Variants in ELF1 observed in about 807,000 individuals in gnomAD.
ELF1 encodes E74 like ETS transcription factor 1, also known as ETS-related transcription factor Elf-1.
Under a neutral mutation model 59.9 loss-of-function variants are expected in ELF1, and 24 were observed. The ratio of observed to expected loss-of-function variants is 0.40; its 90% CI spans 0.29 to 0.56. ELF1 has a LOEUF of 0.56. ELF1 is among the 20% of genes least tolerant of loss of function. ELF1 has a pLI of 0.44. For synonymous variants in ELF1, 248 were observed against 266.2 expected, an observed-to-expected ratio of 0.93 and a Z score of 0.67; for missense variants, 627 against 742.2, an observed-to-expected ratio of 0.84 and a Z score of 1.80.
At chr13:40,941,642 CCT>C (rs1870179182) in intron 7 of ELF1, among the ~76,000 whole-genome samples, 1 of 152,112 alleles carries the variant, frequency 6.6e-6, no homozygotes, top group Non-Finnish European at 1.5e-5. Context: ...CACTTTTCTT[CCT>C]CTTTCTGCTA....
chr13:40,955,555 T>G (rs1359467080), intron 3 of ELF1, among the ~76,000 whole-genome samples: 1 of 41,812 alleles, frequency 2.4e-5, no homozygotes, highest in African/African-American at 6.4e-5. Context: ...GGTGGGGGGG[T>G]CAGCCCCCCA....
chr13:41,026,719 T>C (rs1875944035), intron 1 of ELF1, among the ~76,000 whole-genome samples: 1 of 152,134 alleles, frequency 6.6e-6, no homozygotes, highest in African/African-American at 2.4e-5. Flanking sequence ...GAAGTGGGTG[T>C]TACCTGACCC....
At chr13:41,010,855 C>T (rs1050890796) in intron 1 of ELF1, among the ~76,000 whole-genome samples, 1 of 152,038 alleles carries the variant, frequency 6.6e-6, no homozygotes, top group African/African-American at 2.4e-5. Flanking sequence ...CATGCCACTG[C>T]TTATACATAC....
chr13:40,953,729 C>G (rs1871014485), intron 3 of ELF1, among the ~76,000 whole-genome samples: 1 of 152,176 alleles, frequency 6.6e-6, no homozygotes, highest in South Asian at 2.1e-4. Flanking sequence ...TCCCCTAGAG[C>G]TTCTCAAAGG....
rs2138272286 is a variant in ELF1 at position 40,982,070 on chromosome 13, T to C, written c.-16A>G. ...CAGCAGCCATAATAAAGCATTCCCC[T>C]TAGATCCACATGAGAAAAATTCCAA... On this transcript the variant is annotated 5_prime_UTR_variant, in exon 2 of 9. The change abolishes the stop of an existing upstream ORF in the 5' untranslated region. Coordinates refer to ENST00000239882, the MANE Select transcript of ELF1 (RefSeq NM_172373.4). 6.2e-7 allele frequency: 1 copy of C among 1,602,864 alleles called. No homozygotes were observed. The highest frequency in any genetic ancestry group is 1.7e-4 in the Middle Eastern group (1 of 6,032).
chr13:40,978,502 T>C (rs986191204), intron 2 of ELF1, among the ~76,000 whole-genome samples: 4 of 152,032 alleles, frequency 2.6e-5, no homozygotes, highest in Non-Finnish European at 5.9e-5. Flanking sequence ...ACTAATATTA[T>C]TAATTTGTAA....
upstream of ELF1, among the ~76,000 whole-genome samples, chr13:41,022,659 T>C (rs1875735116): frequency 6.6e-6 from 1 of 152,188 alleles, no homozygotes; most frequent in African/African-American, 2.4e-5. Flanking sequence ...GGCAGGTGGA[T>C]CACTGAAGTT....
chr13:40,988,547 A>G (rs1191858629), intron 1 of ELF1, among the ~76,000 whole-genome samples: 6 of 152,232 alleles, frequency 3.9e-5, no homozygotes, highest in Non-Finnish European at 8.8e-5. Flanking sequence ...TTTGGGATAA[A>G]TCATTTTCAA....
chr13:40,997,691 A>C (rs1874199921), intron 1 of ELF1, among the ~76,000 whole-genome samples: 1 of 152,042 alleles, frequency 6.6e-6, no homozygotes, highest in South Asian at 2.1e-4. Flanking sequence ...CACACTCAAT[A>C]TCCTCTTTTC....
chr13:41,039,229 A>T lies in ELF1; in HGVS notation c.-229+21609T>A, dbSNP rs564338681. On this transcript the variant is annotated intron_variant, in intron 1 of 1. Coordinates refer to the ELF1 transcript ENST00000405737. Reference sequence around the variant, plus strand: ...AGCCTGGGTAACACGGCAATACCCCATCTTAAAAAATAAATAAGTAAGTAA... The same window carrying T: ...AGCCTGGGTAACACGGCAATACCCCTTCTTAAAAAATAAATAAGTAAGTAA... 1.5e-4 allele frequency among the ~76,000 whole-genome samples: 23 copies of T among 151,756 alleles called. No homozygotes were observed. In the South Asian group the frequency reaches 4.6e-3, roughly 30 times the overall value.
At chr13:40,962,771 G>A (rs762098814) in intron 2 of ELF1, among the ~76,000 whole-genome samples, 6 of 151,894 alleles carry the variant, frequency 4.0e-5, no homozygotes, top group Non-Finnish European at 8.8e-5. Context: ...AAGAAAAACT[G>A]GGAACCAGGA....
chr13:41,045,872 T>C (rs1331989232), intron 1 of ELF1, among the ~76,000 whole-genome samples: 1 of 152,208 alleles, frequency 6.6e-6, no homozygotes, highest in Admixed American at 6.5e-5. Context: ...CTGTCTAATG[T>C]TGACAGTGGG....
chr13:40,944,931 A>G (rs1396676659), intron 5 of ELF1, among the ~76,000 whole-genome samples: 1 of 152,216 alleles, frequency 6.6e-6, no homozygotes, highest in East Asian at 1.9e-4. Context: ...ATGGAATAGG[A>G]AAACATTTCT....
At position 40,986,937 on chromosome 13, in the gene ELF1, C is replaced by CTCTTTTTTTT. The variant is rs552477115; in HGVS notation, c.-228-4656_-228-4655insAAAAAAAAGA. On this transcript the variant is annotated intron_variant, in intron 1 of 8. Coordinates refer to ENST00000239882, the MANE Select transcript of ELF1 (RefSeq NM_172373.4). ...AATATATTTTTAGAAAATCATTGCT[C>CTCTTTTTTTT]TTTTTTTTTTTTTTTTTTGAGTGGG... is the stretch of plus-strand genomic sequence containing the variant. Among the ~76,000 whole-genome samples, 9 of 126,848 alleles carry CTCTTTTTTTT rather than the reference C, an allele frequency of 7.1e-5. 2 individuals are homozygous for CTCTTTTTTTT. Among genetic ancestry groups the CTCTTTTTTTT allele is most frequent in the African/African-American group, 1.5e-4 (5 of 32,776 alleles). The allele number at this position is 126,848 out of a possible 152,430, so 83.2% of individuals were successfully genotyped here. A position where few individuals can be genotyped will look rare whatever the true frequency, so the allele number is the denominator to read the frequency against.
chr13:40,989,109 T>C (rs1873707746), intron 1 of ELF1, among the ~76,000 whole-genome samples: 1 of 152,218 alleles, frequency 6.6e-6, no homozygotes, highest in African/African-American at 2.4e-5. Context: ...TTCTAGCTAT[T>C]TTAAATACAG....
At chr13:41,040,542 T>A (rs1486065742) in intron 1 of ELF1, among the ~76,000 whole-genome samples, 3 of 151,910 alleles carry the variant, frequency 2.0e-5, no homozygotes, top group African/African-American at 7.3e-5. Context: ...GGGAGGATGG[T>A]TTTGGGATGA....
At chr13:40,942,889 A>ATT in intron 7 of ELF1, 63 bp downstream of exon 7, 2 of 1,378,850 alleles carry the variant, frequency 1.5e-6, no homozygotes, top group Non-Finnish European at 1.9e-6. Flanking sequence ...TAAGCTTAGT[A>ATT]TTTTTTTTTA....
intron 8 of ELF1, among the ~76,000 whole-genome samples, chr13:40,938,678 AAG>A (rs1309528957): frequency 6.6e-6 from 1 of 152,136 alleles, no homozygotes; most frequent in Non-Finnish European, 1.5e-5. Context: ...ATGAAGTACA[AAG>A]AGTGCTCTGT....
upstream of ELF1, among the ~76,000 whole-genome samples, chr13:41,020,658 T>C (rs1875651042): frequency 1.3e-5 from 2 of 152,218 alleles, no homozygotes; most frequent in East Asian, 1.9e-4. Flanking sequence ...AAAAGAAATA[T>C]AGACCATGTT....
Sources: allele counts gnomAD v4.1 joint callset (sites outside exome capture counted in the v4.1 genomes callset), GRCh38; gene constraint gnomAD v4.1.1; transcripts MANE v1.5; gene names NCBI Gene and HGNC (gene_info 2026-07-23, HGNC 2026-07-21).